Variants in ABLIM2 observed in about 807,000 individuals in gnomAD.
ABLIM2 encodes actin-binding LIM protein 2.
In ABLIM2, 53 loss-of-function variants were observed where a neutral mutation model predicts 97.7. The ratio of observed to expected loss-of-function variants is 0.54; its 90% CI spans 0.44 to 0.68. The LOEUF (loss-of-function observed/expected upper bound fraction) is 0.68. Among genes scored for constraint, ABLIM2 ranks in the 30% least tolerant of loss-of-function variants. ABLIM2 has a pLI of 0.00. For synonymous variants in ABLIM2, 361 were observed against 345.8 expected (o/e 1.04, Z -0.49); for missense variants, 835 against 867.2 (o/e 0.96, Z 0.47).
At chr4:8,049,670 C>T (rs566612083) in intron 8 of ABLIM2, among the ~76,000 whole-genome samples, 1 of 152,356 alleles carries the variant, frequency 6.6e-6, no homozygotes, top group African/African-American at 2.4e-5. Context: ...ACCTTACACT[C>T]CACAGAGACA....
chr4:8,138,045 CTGAG>C, intron 1 of ABLIM2, among the ~76,000 whole-genome samples: 1 of 152,294 alleles, frequency 6.6e-6, no homozygotes, highest in East Asian at 1.9e-4. Flanking sequence ...AGACATTACG[CTGAG>C]TGAGATCCCA....
chr4:8,066,285 A>C (rs1807265841), intron 6 of ABLIM2, among the ~76,000 whole-genome samples: 1 of 147,862 alleles, frequency 6.8e-6, no homozygotes, highest in African/African-American at 2.5e-5. Flanking sequence ...CAGCCTGGGC[A>C]ACAGAGAGAG....
chr4:8,030,823 G>A (rs1780492352), intron 10 of ABLIM2, among the ~76,000 whole-genome samples: 1 of 152,202 alleles, frequency 6.6e-6, no homozygotes, highest in African/African-American at 2.4e-5. Context: ...GCAGCTCGGT[G>A]CAAGTGGCCC....
chr4:8,026,499 T>TG (rs1222887319), intron 12 of ABLIM2, among the ~76,000 whole-genome samples: 3 of 152,240 alleles, frequency 2.0e-5, no homozygotes, highest in African/African-American at 7.2e-5. Flanking sequence ...CATCCAGTGA[T>TG]GGAGAGTCCA....
chr4:8,017,551 G>A (rs1578763273), intron 14 of ABLIM2, among the ~76,000 whole-genome samples: 2 of 152,144 alleles, frequency 1.3e-5, no homozygotes, highest in East Asian at 3.9e-4. Context: ...GCTTCCCAAA[G>A]CGCTAGGATT....
chr4:8,005,198 G>A lies in ABLIM2; in HGVS notation c.1618+2861C>T, dbSNP rs1470839414. 10 of 432,762 alleles carry A rather than the reference G, an allele frequency of 2.3e-5. No homozygotes were observed. The highest frequency in any genetic ancestry group is 4.8e-5 in the Admixed American group (2 of 41,704). 26.8% of individuals were successfully genotyped at this position (432,762 alleles called of 1,614,324 possible). On this transcript the variant is annotated intron_variant, in intron 16 of 20. Transcript: ENST00000447017. This position sits in a 1 kb window ranked among gnomAD's most constrained non-coding sequence, Gnocchi z 4.9. ...GCGGCGGCGGGATGCGTGTGCGCTC[G>A]CTCTGTCGGCGTCTCTGCCTCTCTC...
chr4:8,101,303 G>T (rs948116441), intron 2 of ABLIM2, among the ~76,000 whole-genome samples: 9 of 152,238 alleles, frequency 5.9e-5, no homozygotes, highest in African/African-American at 2.2e-4. Flanking sequence ...CTCCTGCCGG[G>T]ACTTTCACAA....
rs760193228 is a variant in ABLIM2, at chr4:8,015,706, G to C, written c.1423+3912C>G. On this transcript the variant is annotated intron_variant, in intron 14 of 20. Transcript: ENST00000447017. The surrounding 1 kb of genome is among the most constrained non-coding windows in gnomAD (Gnocchi z 4.6). ...ACAAGTGGTGGGAGGTGTGTGTTGG[G>C]GGGTGAGGAGAGAGCTGCATTGCCA... Among the ~76,000 whole-genome samples the C allele has an allele frequency of 9.9e-5, 15 of 152,166 alleles. No individual in the cohort carries two copies. The highest frequency in any genetic ancestry group is 1.8e-4 in the Non-Finnish European group (12 of 68,048).
chr4:8,090,336 A>G (rs1826496411), intron 3 of ABLIM2, among the ~76,000 whole-genome samples: 1 of 152,164 alleles, frequency 6.6e-6, no homozygotes, highest in Admixed American at 6.5e-5. Flanking sequence ...GCCTCTCTGA[A>G]ACACTTCCCA....
chr4:8,118,922 G>T (rs1843993514), intron 1 of ABLIM2, among the ~76,000 whole-genome samples: 1 of 152,178 alleles, frequency 6.6e-6, no homozygotes, highest in Admixed American at 6.5e-5. Context: ...TAAGAAAATT[G>T]TCCTTATTTT....
In ABLIM2 at chr4:8,061,287, C is replaced by A. The variant is rs549367199; in HGVS notation, c.676-233G>T. Among the ~76,000 whole-genome samples the A allele has an allele frequency of 1.3e-5, 2 of 152,194 alleles. No homozygotes were observed. The highest frequency in any genetic ancestry group is 3.9e-4 in the East Asian group (2 of 5,160). ...CAGGGGGAGACCTGGCTGCACTTGC[C>A]CAGCCTGCAGGAGCCCAGCATGCAG... is the stretch of plus-strand genomic sequence containing the variant. On this transcript the variant is annotated intron_variant, in intron 6 of 20. Coordinates refer to ENST00000447017, the MANE Select transcript of ABLIM2 (RefSeq NM_001130083.2). This position sits in a 1 kb window ranked among gnomAD's most constrained non-coding sequence, Gnocchi z 4.5.
At chr4:8,138,307 G>A (rs568105189) in intron 1 of ABLIM2, among the ~76,000 whole-genome samples, 1 of 152,276 alleles carries the variant, frequency 6.6e-6, no homozygotes, top group Non-Finnish European at 1.5e-5. Flanking sequence ...CTTAAAAATG[G>A]TTAAAATGGT....
Position 8,147,011 on chromosome 4 carries a change from C to G in ABLIM2, c.10+11669G>C, listed in dbSNP as rs181755919. Among the ~76,000 whole-genome samples the G allele has an allele frequency of 5.3e-5, 8 of 152,160 alleles. No individual in the cohort carries two copies. Among genetic ancestry groups the G allele is most frequent in the Admixed American group, 3.9e-4 (6 of 15,264 alleles). On this transcript the variant is annotated intron_variant, in intron 1 of 20. Transcript: ENST00000447017. This position sits in a 1 kb window ranked among gnomAD's most constrained non-coding sequence, Gnocchi z 5.3. ...CCAGTGTTCTGCGGTTGGACATTTA[C>G]GTTGCAGAGCATGTAACCCCTGCAA...
intron 9 of ABLIM2, among the ~76,000 whole-genome samples, chr4:8,041,967 A>C (rs1479281278): frequency 2.0e-5 from 3 of 151,898 alleles, no homozygotes; most frequent in African/African-American, 7.3e-5. Context: ...GCAGGTTCCA[A>C]CAACAACAGC....
intron 14 of ABLIM2, among the ~76,000 whole-genome samples, chr4:8,017,178 G>A (rs1010831549): frequency 6.6e-6 from 1 of 152,114 alleles, no homozygotes; most frequent in African/African-American, 2.4e-5. Flanking sequence ...CTCCTGCGCC[G>A]CCTCCTCCCA....
rs867942630 is a variant in ABLIM2, at chr4:8,113,813, C to T, written c.11-7176G>A. Among the ~76,000 whole-genome samples, 12 of 152,338 alleles carry T rather than the reference C, an allele frequency of 7.9e-5. No homozygotes were observed. Among genetic ancestry groups the T allele is most frequent in the Middle Eastern group, 6.8e-3 (2 of 294 alleles). The stretch of plus-strand genomic sequence containing the variant: ...ACGCACACATGAACTCCAGAGGTCC[C>T]GGCTCACCCAGAGCGGGTCACAGGA... On this transcript the variant is annotated intron_variant, in intron 1 of 20. Transcript: ENST00000447017. This position sits in a 1 kb window ranked among gnomAD's most constrained non-coding sequence, Gnocchi z 4.5.
At chr4:8,144,590 G>A (rs896867481) in intron 1 of ABLIM2, among the ~76,000 whole-genome samples, 1 of 152,224 alleles carries the variant, frequency 6.6e-6, no homozygotes, top group African/African-American at 2.4e-5. Flanking sequence ...ACAGGGTCTG[G>A]AAGGACACAG....
chr4:8,101,658 T>C (rs896061622), intron 2 of ABLIM2, among the ~76,000 whole-genome samples: 65 of 152,148 alleles, frequency 4.3e-4, no homozygotes, highest in African/African-American at 1.5e-3. Flanking sequence ...CTTGCTAACA[T>C]TGTGGACTTG....
intron 10 of ABLIM2, 66 bp downstream of exon 10, chr4:8,036,083 A>G (rs2151435477): frequency 6.4e-7 from 1 of 1,571,624 alleles, no homozygotes; most frequent in East Asian, 2.3e-5. Context: ...GCTAGGGATG[A>G]CGCCTGTCCT....
Sources: gnomAD v4.1 joint callset for allele counts (sites outside exome capture counted in the v4.1 genomes callset) on GRCh38, gnomAD v4.1.1 for gene constraint, Gnocchi (gnomAD v3.1) non-coding constraint, MANE v1.5 for transcripts, NCBI Gene and HGNC (gene_info 2026-07-23, HGNC 2026-07-21) for gene names.